CCDC170: variants seen among roughly 807,000 people sequenced by gnomAD.
The protein encoded by CCDC170 is coiled-coil domain containing 170, also known as coiled-coil domain-containing protein 170.
CCDC170 carries 69 observed loss-of-function variants against 72.6 expected under a neutral mutation model. The observed-to-expected ratio is 0.95, with a 90% confidence interval of 0.78 to 1.16. CCDC170 has a LOEUF of 1.16. CCDC170 is among the 50% of genes most tolerant of loss of function. CCDC170 has a pLI of 0.00. For synonymous variants in CCDC170, 300 were observed against 303.9 expected (o/e 0.99, Z 0.13); for missense variants, 852 against 832.5 (o/e 1.02, Z -0.29).
intron 7 of CCDC170, among the ~76,000 whole-genome samples, chr6:151,591,471 G>T (rs1286027266): frequency 6.6e-6 from 1 of 151,932 alleles, no homozygotes; most frequent in Non-Finnish European, 1.5e-5. Flanking sequence ...TAGGGGGGAG[G>T]TGTTCATTTA....
chr6:151,549,199 C>T (rs1298001437), intron 5 of CCDC170, among the ~76,000 whole-genome samples: 1 of 152,062 alleles, frequency 6.6e-6, no homozygotes, highest in Non-Finnish European at 1.5e-5. Flanking sequence ...GCCACCACGG[C>T]CGGTCTAATT....
chr6:151,547,922 C>T (rs1311760977), intron 4 of CCDC170, among the ~76,000 whole-genome samples: 1 of 152,204 alleles, frequency 6.6e-6, no homozygotes, highest in Non-Finnish European at 1.5e-5. Flanking sequence ...GTATTTCCTC[C>T]AGTGCCACAT....
intron 5 of CCDC170, among the ~76,000 whole-genome samples, chr6:151,552,123 A>G (rs1163831793): frequency 2.7e-5 from 4 of 148,856 alleles, no homozygotes; most frequent in Non-Finnish European, 5.9e-5. Flanking sequence ...TGTGTGGTTT[A>G]ACTTGTTTCT....
chr6:151,564,984 A>G (rs1776109741), intron 5 of CCDC170, among the ~76,000 whole-genome samples: 1 of 152,072 alleles, frequency 6.6e-6, no homozygotes, highest in Non-Finnish European at 1.5e-5. Flanking sequence ...CTGCAGCTGT[A>G]GGCAGGCAGC....
intron 1 of CCDC170, among the ~76,000 whole-genome samples, chr6:151,522,947 A>G (rs2115034819): frequency 6.6e-6 from 1 of 152,208 alleles, no homozygotes; most frequent in Non-Finnish European, 1.5e-5. Flanking sequence ...GCTTGCTTTT[A>G]CCTTATTCTG....
At chr6:151,569,659 T>C (rs1281451920) in intron 5 of CCDC170, among the ~76,000 whole-genome samples, 2 of 152,214 alleles carry the variant, frequency 1.3e-5, no homozygotes, top group East Asian at 3.8e-4. Flanking sequence ...TGCTTCGGCG[T>C]ATCCTTGAGG....
chr6:151,540,083 C>T (rs908914512), intron 3 of CCDC170, among the ~76,000 whole-genome samples: 2 of 152,144 alleles, frequency 1.3e-5, no homozygotes, highest in Non-Finnish European at 2.9e-5. Flanking sequence ...CATCCCACTC[C>T]TGGTACTAAT....
chr6:151,537,784 ACAT>A (rs1449474928), intron 2 of CCDC170, among the ~76,000 whole-genome samples: 2 of 152,222 alleles, frequency 1.3e-5, no homozygotes, highest in Admixed American at 1.3e-4. Flanking sequence ...TATGCAATCA[ACAT>A]CATAAATGTC....
chr6:151,506,566 G>A (rs1428288656), intron 1 of CCDC170, among the ~76,000 whole-genome samples: 1 of 152,186 alleles, frequency 6.6e-6, no homozygotes, highest in Non-Finnish European at 1.5e-5. Flanking sequence ...CCTGGAGACA[G>A]TTTATTCCTT....
chr6:151,499,138 G>A (rs1439724105), intron 1 of CCDC170, among the ~76,000 whole-genome samples: 1 of 129,872 alleles, frequency 7.7e-6, no homozygotes. Flanking sequence ...TACTGTATTT[G>A]ACTATTCTAG....
chr6:151,536,678 G>A (rs1176318703), intron 2 of CCDC170, among the ~76,000 whole-genome samples: 1 of 150,436 alleles, frequency 6.6e-6, no homozygotes, highest in East Asian at 2.0e-4. Context: ...GAGAGGCTGA[G>A]GCAGGAGAAT....
At chr6:151,529,002 A>T (rs1782452866) in intron 1 of CCDC170, among the ~76,000 whole-genome samples, 1 of 152,164 alleles carries the variant, frequency 6.6e-6, no homozygotes, top group East Asian at 1.9e-4. Flanking sequence ...TGAAAAAGTC[A>T]AACCACTGCG....
intron 6 of CCDC170, among the ~76,000 whole-genome samples, chr6:151,577,915 T>C (rs1467952475): frequency 2.0e-5 from 3 of 152,116 alleles, no homozygotes; most frequent in Non-Finnish European, 4.4e-5. Context: ...GACACAAAAA[T>C]TGTCATCCAC....
chr6:151,612,288 A>G (rs773677124), intron 9 of CCDC170, among the ~76,000 whole-genome samples: 2 of 152,170 alleles, frequency 1.3e-5, no homozygotes, highest in African/African-American at 2.4e-5. Flanking sequence ...TCTATGCCCA[A>G]CCGTAGGGAG....
intron 7 of CCDC170, among the ~76,000 whole-genome samples, chr6:151,590,136 C>T (rs1776512836): frequency 6.6e-6 from 1 of 152,072 alleles, no homozygotes; most frequent in Non-Finnish European, 1.5e-5. Flanking sequence ...CCTATCTTTC[C>T]TTTTGCTCTC....
chr6:151,506,134 T>C (rs1782063138), intron 1 of CCDC170, among the ~76,000 whole-genome samples: 2 of 152,250 alleles, frequency 1.3e-5, no homozygotes, highest in East Asian at 3.9e-4. Flanking sequence ...AAGAATTCTA[T>C]AGCTCTGGAA....
At position 151,602,691 on chromosome 6, in the gene CCDC170, C is replaced by T. The variant is rs935468961; in HGVS notation, c.1710+6114C>T. On this transcript the variant is annotated intron_variant, in intron 9 of 10. Coordinates refer to ENST00000239374, the MANE Select transcript of CCDC170 (RefSeq NM_025059.4). ...CCTGCCACCATGTAAGACATGCCTG[C>T]TTCCCCTTCTGCCATGATTGTAAGT... Among the ~76,000 whole-genome samples the T allele has an allele frequency of 2.0e-5, 3 of 152,168 alleles. No individual in the cohort carries two copies. The East Asian group carries it at 5.8e-4, about 29-fold the overall frequency.
At chr6:151,562,367 G>C (rs763276154) in intron 5 of CCDC170, among the ~76,000 whole-genome samples, 3 of 152,140 alleles carry the variant, frequency 2.0e-5, no homozygotes, top group African/African-American at 7.2e-5. Flanking sequence ...ATTTGCTATT[G>C]TTTGAATGGG....
intron 8 of CCDC170, among the ~76,000 whole-genome samples, chr6:151,593,669 C>T (rs1776578392): frequency 6.6e-6 from 1 of 152,226 alleles, no homozygotes; most frequent in South Asian, 2.1e-4. Context: ...CTAGGGTGAT[C>T]CTTATTCTCA....
Sources: gnomAD v4.1 joint callset for allele counts (sites outside exome capture counted in the v4.1 genomes callset) on GRCh38, gnomAD v4.1.1 for gene constraint, MANE v1.5 for transcripts, NCBI Gene and HGNC (gene_info 2026-07-23, HGNC 2026-07-21) for gene names.